Variants in CHD5 observed in about 807,000 individuals in gnomAD.
The protein encoded by CHD5 is chromodomain helicase DNA binding protein 5.
Under a neutral mutation model 230.3 loss-of-function variants are expected in CHD5, and 69 were observed. The ratio of observed to expected loss-of-function variants is 0.30; its 90% CI spans 0.25 to 0.37. CHD5 has a LOEUF of 0.37. Among genes scored for constraint, CHD5 ranks in the 10% least tolerant of loss-of-function variants. The pLI, the probability that CHD5 is intolerant of heterozygous loss-of-function variation, is 1.00. For synonymous variants in CHD5, 1,064 were observed against 1,065.9 expected (o/e 1.00, Z 0.03); for missense variants, 1,827 against 2,622.8 (o/e 0.70, Z 6.63).
At chr1:6,106,341 G>A in intron 40 of CHD5, 54 bp from the exon 41 acceptor site, 1 of 1,611,976 alleles carries the variant, frequency 6.2e-7, no homozygotes, top group Non-Finnish European at 8.5e-7. Context: ...CAGCAGGCAG[G>A]CCGGGCCCGG....
chr1:6,155,172 C>T lies in CHD5; in HGVS notation c.507-274G>A, dbSNP rs1667062701. ...AAAACACCCAGCTTCCTGTCCACAC[C>T]CACAGCCCACCCCCAAAACACCCCA... On this transcript the variant is annotated intron_variant, in intron 4 of 41. Transcript: ENST00000262450. The surrounding 1 kb of genome is among the most constrained non-coding windows in gnomAD (Gnocchi z 4.0). Among the ~76,000 whole-genome samples, 1 of 113,932 alleles carries T rather than the reference C, an allele frequency of 8.8e-6. No homozygotes were observed. Among genetic ancestry groups the T allele is most frequent in the African/African-American group, 2.8e-5 (1 of 35,912 alleles). 74.7% of individuals were successfully genotyped at this position (113,932 alleles called of 152,430 possible).
In CHD5 at chr1:6,171,245, C is replaced by T. The variant is rs1667333736; in HGVS notation, c.80-2968G>A. Among the ~76,000 whole-genome samples, 2 of 152,196 alleles carry T rather than the reference C, an allele frequency of 1.3e-5. 1 individual carries two copies. The highest frequency in any genetic ancestry group is 4.1e-4 in the South Asian group (2 of 4,830). On this transcript the variant is annotated intron_variant, in intron 1 of 41. Transcript: ENST00000262450. ...GACAAAGGGGGACCCCTGCTCTGGC[C>T]CTAACCCACGCCCAGAACAGGCCTT...
Position 6,121,088 on chromosome 1 carries a change from C to T in CHD5, c.4912+17G>A. ...CAGACATGGCACTGGGGTGGGTGGC[C>T]TGCAAGAAGCCCCAACCTCTCGGCA... On this transcript the variant is annotated intron_variant, in intron 33 of 41. Coordinates refer to ENST00000262450, the MANE Select transcript of CHD5 (RefSeq NM_015557.3). The surrounding 1 kb of genome is among the most constrained non-coding windows in gnomAD (Gnocchi z 4.5). The T allele has an allele frequency of 1.9e-6, 3 of 1,573,314 alleles. No homozygotes were observed. The highest frequency in any genetic ancestry group is 1.7e-6 in the Non-Finnish European group (2 of 1,161,678).
At position 6,130,177 on chromosome 1, in the gene CHD5, A is replaced by AG; in HGVS notation, c.3387+26dup. On this transcript the variant is annotated intron_variant, in intron 22 of 41. Coordinates refer to ENST00000262450, the MANE Select transcript of CHD5 (RefSeq NM_015557.3). The surrounding 1 kb of genome is among the most constrained non-coding windows in gnomAD (Gnocchi z 4.9). Reference sequence around the variant, plus strand: ...GGCCCGGGATGAGAGGCCCCCTGGGAGGGTGGTGGGCGGCAGCAGCACAGA... The same window carrying AG: ...GGCCCGGGATGAGAGGCCCCCTGGGAGGGGTGGTGGGCGGCAGCAGCACAGA... 1 of 1,612,570 alleles carries AG rather than the reference A, an allele frequency of 6.2e-7. No individual in the cohort carries two copies. Among genetic ancestry groups the AG allele is most frequent in the South Asian group, 1.1e-5 (1 of 91,006 alleles).
chr1:6,142,632 C>T lies in CHD5; in HGVS notation c.2044-27G>A, dbSNP rs768398525. On this transcript the variant is annotated intron_variant, in intron 13 of 41. Transcript: ENST00000262450. This position sits in a 1 kb window ranked among gnomAD's most constrained non-coding sequence, Gnocchi z 5.2. ...TGCAGGGGAGGCAGCGGTTCAGACACGCCCCAGATCCTGGGCCACCAGAGT... is the reference window on the plus strand; with the variant it reads ...TGCAGGGGAGGCAGCGGTTCAGACATGCCCCAGATCCTGGGCCACCAGAGT... 23 of 1,589,364 alleles carry T rather than the reference C, an allele frequency of 1.4e-5. 1 individual carries two copies. Among genetic ancestry groups the T allele is most frequent in the East Asian group, 1.1e-4 (5 of 44,526 alleles).
rs1369950266 is a variant in CHD5, at chr1:6,126,251, C to T, written c.4078+321G>A. ...CGCCCAGCGTTCCTGGCCCCCACCT[C>T]CCGGGGGGGTCCTGCACAGGGATGC... On this transcript the variant is annotated intron_variant, in intron 26 of 41. Transcript: ENST00000262450. This position sits in a 1 kb window ranked among gnomAD's most constrained non-coding sequence, Gnocchi z 5.7. 6.6e-6 allele frequency among the ~76,000 whole-genome samples: 1 copy of T among 152,176 alleles called. No homozygotes were observed. The highest frequency in any genetic ancestry group is 2.4e-5 in the African/African-American group (1 of 41,438).
Position 6,109,776 on chromosome 1 carries a change from G to T in CHD5, c.5578+19C>A, listed in dbSNP as rs778288361. On this transcript the variant is annotated intron_variant, in intron 38 of 41. Coordinates refer to ENST00000262450, the MANE Select transcript of CHD5 (RefSeq NM_015557.3). ...AGGAAGGGCGGGGGGCTGCACCGTG[G>T]GGGGCAGGACTTGCTCACCCTTGTG... is the stretch of plus-strand genomic sequence containing the variant. 6.8e-6 allele frequency: 11 copies of T among 1,606,116 alleles called. No individual in the cohort carries two copies. The highest frequency in any genetic ancestry group is 2.2e-5 in the East Asian group (1 of 44,768).
chr1:6,125,773 T>C lies in CHD5; in HGVS notation c.4164A>G (p.Glu1388=). The C allele has an allele frequency of 6.2e-7, 1 of 1,613,086 alleles. No individual in the cohort carries two copies. The highest frequency in any genetic ancestry group is 8.5e-7 in the Non-Finnish European group (1 of 1,179,146). ...ACTAACACTGAGACTCACTCTGCCC[T>C]TCCGGCCTCTCTTCAAAGTCCTCAT... is the stretch of plus-strand genomic sequence containing the variant. ...DEDEDFEERP[E]GQSGRRQSRR... is the part of the protein sequence containing the mutation. The change falls in exon 27 of 42, where the codon GAA becomes GAG. Residue 1388 remains glutamate, a synonymous_variant. Transcript: ENST00000262450. This position sits in a 1 kb window ranked among gnomAD's most constrained non-coding sequence, Gnocchi z 6.7.
In CHD5 at chr1:6,142,230, G is replaced by T. The variant is rs766211193; in HGVS notation, c.2334C>A (p.Val778=). 1.2e-6 allele frequency: 2 copies of T among 1,614,174 alleles called. No individual in the cohort carries two copies. The highest frequency in any genetic ancestry group is 3.3e-5 in the Admixed American group (2 of 60,024). The change falls in exon 15 of 42, where the codon GTC becomes GTA. Residue 778 remains valine (V), a synonymous_variant. Coordinates refer to ENST00000262450, the MANE Select transcript of CHD5 (RefSeq NM_015557.3). The surrounding 1 kb of genome is among the most constrained non-coding windows in gnomAD (Gnocchi z 5.2). ...FEMWAPDFYV[V]TYTGDKESRS... is the part of the protein sequence containing the mutation. ...GGCTCTCCTTGTCCCCCGTGTAGGT[G>T]ACCACGTAGAAGTCGGGCGCCCACA...
At chr1:6,117,414 A>G (rs1209239173) in intron 33 of CHD5, among the ~76,000 whole-genome samples, 1 of 152,206 alleles carries the variant, frequency 6.6e-6, no homozygotes, top group Non-Finnish European at 1.5e-5. Context: ...ATGCATCTAT[A>G]TAAAGAACTC....
At chr1:6,135,428 G>C (rs1033351758) in intron 17 of CHD5, 25 bp from the exon 18 acceptor site, 1 of 1,584,924 alleles carries the variant, frequency 6.3e-7, no homozygotes. Context: ...TGGGATAACA[G>C]CCAGGAGCAG....
chr1:6,135,547 C>T (rs1291336003), intron 17 of CHD5, 144 bp from the exon 18 acceptor site: 4 of 686,264 alleles, frequency 5.8e-6, no homozygotes, highest in South Asian at 5.7e-5. Context: ...CAATTTCTGT[C>T]TAAGCCTGTG....
rs1467037175 is a variant in CHD5 at position 6,130,029 on chromosome 1, A to G, written c.3387+175T>C. ...GGACAGAGCTGGAGGGATGGGGGCC[A>G]AGCTTCCACTCACTCCCAGAGCCCC... On this transcript the variant is annotated intron_variant, in intron 22 of 41. Coordinates refer to ENST00000262450, the MANE Select transcript of CHD5 (RefSeq NM_015557.3). The surrounding 1 kb of genome is among the most constrained non-coding windows in gnomAD (Gnocchi z 4.9). 3 of 711,136 alleles carry G rather than the reference A, an allele frequency of 4.2e-6. No individual in the cohort carries two copies. In the East Asian group the frequency reaches 7.7e-5, roughly 18 times the overall value. 44.1% of individuals were successfully genotyped at this position (711,136 alleles called of 1,614,324 possible).
rs1666816913 is a variant in CHD5, at chr1:6,140,948, A to G, written c.2436+1180T>C. 2.1e-5 allele frequency among the ~76,000 whole-genome samples: 3 copies of G among 143,166 alleles called. No individual in the cohort carries two copies. The South Asian group carries it at 7.0e-4, about 33-fold the overall frequency. The allele number at this position is 143,166 out of a possible 152,430, so 93.9% of individuals were successfully genotyped here. A position where few individuals can be genotyped will look rare whatever the true frequency, so the allele number is the denominator to read the frequency against. On this transcript the variant is annotated intron_variant, in intron 15 of 41. Coordinates refer to ENST00000262450, the MANE Select transcript of CHD5 (RefSeq NM_015557.3). ...ATCACTGCACTCTAGCCTGGGTGAC[A>G]GAGCGAGACCCTGTCTCAAAATAAT...
rs1557530294 is a variant in CHD5, at chr1:6,102,089, T to C, written c.*3385A>G. On this transcript the variant is annotated 3_prime_UTR_variant, in exon 42 of 42. Coordinates refer to ENST00000262450, the MANE Select transcript of CHD5 (RefSeq NM_015557.3). ...TAGCTGGGCCTGGGCCGGTGGAGTC[T>C]GCTCCCTCCACACCCCTGAACTCAG... 2 of 384,774 alleles carry C rather than the reference T, an allele frequency of 5.2e-6. No individual in the cohort carries two copies. The highest frequency in any genetic ancestry group is 1.4e-4 in the East Asian group (1 of 7,302). The allele number at this position is 384,774 out of a possible 1,614,324, so 23.8% of individuals were successfully genotyped here. A position where few individuals can be genotyped will look rare whatever the true frequency, so the allele number is the denominator to read the frequency against.
intron 1 of CHD5, among the ~76,000 whole-genome samples, chr1:6,168,834 C>T (rs1255777835): frequency 6.6e-6 from 1 of 152,060 alleles, no homozygotes; most frequent in Non-Finnish European, 1.5e-5. Context: ...GCCTGGCCAA[C>T]ACGATGAAAC....
chr1:6,113,908 G>C (rs536394267), intron 33 of CHD5, among the ~76,000 whole-genome samples: 2 of 152,296 alleles, frequency 1.3e-5, no homozygotes, highest in East Asian at 3.9e-4. Context: ...AAACAAAAGG[G>C]GAGGGATGCT....
chr1:6,171,386 T>C (rs942956460), intron 1 of CHD5, among the ~76,000 whole-genome samples: 2 of 152,132 alleles, frequency 1.3e-5, no homozygotes, highest in African/African-American at 4.8e-5. Flanking sequence ...GCTCTGGAAC[T>C]GGCACACGGA....
chr1:6,121,430 A>G lies in CHD5; in HGVS notation c.4779+64T>C. ...CCACCTCGCTGTACAGGGCCTGAGAAGGTCCCCAGACCCAACCTCCACCCC... is the reference window on the plus strand; with the variant it reads ...CCACCTCGCTGTACAGGGCCTGAGAGGGTCCCCAGACCCAACCTCCACCCC... On this transcript the variant is annotated intron_variant, in intron 32 of 41. Coordinates refer to ENST00000262450, the MANE Select transcript of CHD5 (RefSeq NM_015557.3). The surrounding 1 kb of genome is among the most constrained non-coding windows in gnomAD (Gnocchi z 4.5). The G allele has an allele frequency of 6.6e-7, 1 of 1,512,870 alleles. No homozygotes were observed. The highest frequency in any genetic ancestry group is 9.1e-7 in the Non-Finnish European group (1 of 1,100,874). The allele number at this position is 1,512,870 out of a possible 1,614,324, so 93.7% of individuals were successfully genotyped here.
Sources: allele counts gnomAD v4.1 joint callset (sites outside exome capture counted in the v4.1 genomes callset), GRCh38; gene constraint gnomAD v4.1.1; non-coding constraint Gnocchi (gnomAD v3.1); transcripts MANE v1.5; gene names NCBI Gene and HGNC (gene_info 2026-07-23, HGNC 2026-07-21).